The following STX8 variants were observed in gnomAD, a reference collection of about 807,000 sequenced individuals.
The protein encoded by STX8 is syntaxin-8.
Under a neutral mutation model 37.5 loss-of-function variants are expected in STX8, and 23 were observed. That is an observed-to-expected ratio of 0.61 (90% CI 0.44 to 0.87). The LOEUF (loss-of-function observed/expected upper bound fraction) is 0.87. Among genes scored for constraint, STX8 ranks in the 40% least tolerant of loss-of-function variants. The pLI is 0.00. For synonymous variants in STX8, 115 were observed against 99.1 expected (o/e 1.16, Z -0.95); for missense variants, 313 against 284.7 (o/e 1.10, Z -0.71).
intron 6 of STX8, among the ~76,000 whole-genome samples, chr17:9,456,495 T>G (rs1905191547): frequency 6.6e-6 from 1 of 152,194 alleles, no homozygotes; most frequent in Non-Finnish European, 1.5e-5. Context: ...TCAGCAACAT[T>G]TGCTTCAAGC....
At position 9,360,498 on chromosome 17, in the gene STX8, AGTG is replaced by A. The variant is rs2142258694; in HGVS notation, c.643+18051_643+18053del. Among the ~76,000 whole-genome samples, 3 of 151,966 alleles carry A rather than the reference AGTG, an allele frequency of 2.0e-5. No individual in the cohort carries two copies. In the South Asian group the frequency reaches 6.3e-4, roughly 32 times the overall value. ...TGATCTGCCTGCCTCGGCCTCCCAAAGTGCTGGGATTACAGTGTTGAGCTACCA... is the reference window on the plus strand; with the variant it reads ...TGATCTGCCTGCCTCGGCCTCCCAAACTGGGATTACAGTGTTGAGCTACCA... On this transcript the variant is annotated intron_variant, in intron 7 of 7. Transcript: ENST00000306357.
chr17:9,473,707 G>A (rs937663004), intron 6 of STX8, among the ~76,000 whole-genome samples: 2 of 152,090 alleles, frequency 1.3e-5, no homozygotes, highest in African/African-American at 2.4e-5. Context: ...TCATGGATGC[G>A]GAACCCACAG....
At chr17:9,433,272 C>T (rs916017455) in intron 6 of STX8, among the ~76,000 whole-genome samples, 1 of 152,220 alleles carries the variant, frequency 6.6e-6, no homozygotes, top group African/African-American at 2.4e-5. Flanking sequence ...ATGAGCTAGA[C>T]GGTCTTAACC....
intron 6 of STX8, among the ~76,000 whole-genome samples, chr17:9,402,472 A>C (rs1161532226): frequency 6.6e-6 from 1 of 152,096 alleles, no homozygotes; most frequent in Non-Finnish European, 1.5e-5. Flanking sequence ...TTATTCCAAC[A>C]CTGCTGCTTG....
At chr17:9,497,156 G>A (rs916426993) in intron 5 of STX8, among the ~76,000 whole-genome samples, 1 of 152,122 alleles carries the variant, frequency 6.6e-6, no homozygotes, top group Non-Finnish European at 1.5e-5. Flanking sequence ...TGAAGAAACT[G>A]CATAGAAGAA....
At chr17:9,541,056 G>T (rs753056672) in intron 4 of STX8, among the ~76,000 whole-genome samples, 43 of 152,078 alleles carry the variant, frequency 2.8e-4, no homozygotes, top group Non-Finnish European at 5.4e-4. Context: ...GTCCTCAGAA[G>T]GCCTCCATCC....
intron 4 of STX8, among the ~76,000 whole-genome samples, chr17:9,523,383 CAT>C (rs1400066009): frequency 7.5e-5 from 3 of 40,086 alleles, no homozygotes; most frequent in African/African-American, 1.8e-4. Flanking sequence ...TATATATGTA[CAT>C]ATATATATAC....
intron 7 of STX8, among the ~76,000 whole-genome samples, chr17:9,297,730 G>A (rs114896267): frequency 0.013 from 2,022 of 152,264 alleles, 27 homozygotes; most frequent in African/African-American, 0.047. Flanking sequence ...AGTAAAATTA[G>A]CCAGGCATGG....
At chr17:9,369,886 C>CAAAAAAAAAAAAAAAAAAAAAAA (rs60178482) in intron 7 of STX8, among the ~76,000 whole-genome samples, 10 of 52,150 alleles carry the variant, frequency 1.9e-4, no homozygotes, top group Non-Finnish European at 3.3e-4. Context: ...GACCCTGTAC[C>CAAAAAAAAAAAAAAAAAAAAAAA]AAAAAAAAAA....
At chr17:9,362,855 A>ATAAATAAAT (rs1310017489) in intron 7 of STX8, among the ~76,000 whole-genome samples, 2,783 of 151,192 alleles carry the variant, frequency 0.018, 79 homozygotes, top group African/African-American at 0.063. Context: ...AAATAAATAA[A>ATAAATAAAT]TAAATAAATA....
At chr17:9,538,461 G>C (rs192449623) in intron 4 of STX8, among the ~76,000 whole-genome samples, 258 of 152,250 alleles carry the variant, frequency 1.7e-3, no homozygotes, top group South Asian at 4.1e-3. Flanking sequence ...GTTTCAAATG[G>C]GGAGGAGCAT....
At chr17:9,258,656 T>C (rs1906890673) in intron 7 of STX8, among the ~76,000 whole-genome samples, 1 of 152,234 alleles carries the variant, frequency 6.6e-6, no homozygotes, top group South Asian at 2.1e-4. Flanking sequence ...ATGCTTTCAT[T>C]AAAACACTGG....
chr17:9,544,403 G>A (rs935706983), intron 4 of STX8, among the ~76,000 whole-genome samples: 6 of 152,042 alleles, frequency 3.9e-5, no homozygotes, highest in African/African-American at 4.8e-5. Flanking sequence ...TTTGAAGTGT[G>A]AATCACTCAC....
chr17:9,336,768 A>G (rs908915535), intron 7 of STX8, among the ~76,000 whole-genome samples: 1 of 152,118 alleles, frequency 6.6e-6, no homozygotes, highest in African/African-American at 2.4e-5. Context: ...TTAGAGGGGT[A>G]GTAAATATAG....
intron 6 of STX8, among the ~76,000 whole-genome samples, chr17:9,481,775 A>G (rs1409281460): frequency 1.3e-5 from 2 of 152,138 alleles, no homozygotes; most frequent in African/African-American, 2.4e-5. Flanking sequence ...CTCCCATCAG[A>G]TCAGCAGTGG....
chr17:9,337,049 C>T lies in STX8; in HGVS notation c.643+41503G>A, dbSNP rs571396003. 1.1e-4 allele frequency among the ~76,000 whole-genome samples: 16 copies of T among 152,214 alleles called. No individual in the cohort carries two copies. In the South Asian group the frequency reaches 1.9e-3, roughly 18 times the overall value. ...ATAAAAGGGAACTGAGAGCTTTACA[C>T]GTCAGAAAAACTCTCAGACAATGCC... On this transcript the variant is annotated intron_variant, in intron 7 of 7. Transcript: ENST00000306357.
chr17:9,319,743 G>A (rs1460368469), intron 7 of STX8, among the ~76,000 whole-genome samples: 1 of 151,900 alleles, frequency 6.6e-6, no homozygotes, highest in Non-Finnish European at 1.5e-5. Context: ...ACGAGGTCAG[G>A]AGTTCAAGAC....
At chr17:9,350,725 G>A (rs561021211) in intron 7 of STX8, among the ~76,000 whole-genome samples, 1 of 152,102 alleles carries the variant, frequency 6.6e-6, no homozygotes, top group South Asian at 2.1e-4. Context: ...TAGAGACAGG[G>A]CTTCACCATG....
chr17:9,462,872 C>T (rs138583271), intron 6 of STX8, among the ~76,000 whole-genome samples: 1 of 152,282 alleles, frequency 6.6e-6, no homozygotes, highest in East Asian at 1.9e-4. Flanking sequence ...GGGGCAGTAT[C>T]CATTGAGGAA....
Sources: allele counts gnomAD v4.1 joint callset (sites outside exome capture counted in the v4.1 genomes callset), GRCh38; gene constraint gnomAD v4.1.1; transcripts MANE v1.5; gene names NCBI Gene and HGNC (gene_info 2026-07-23, HGNC 2026-07-21).